The following NFX1 variants were observed in gnomAD, a reference collection of about 807,000 sequenced individuals.
NFX1 encodes the protein nuclear transcription factor, X-box binding 1.
NFX1 carries 69 observed loss-of-function variants against 137.2 expected under a neutral mutation model. The observed-to-expected ratio is 0.50, with a 90% CI of 0.41 to 0.61. The LOEUF (loss-of-function observed/expected upper bound fraction) is 0.61. Ranked by LOEUF, NFX1 falls within the 20% of genes least tolerant of loss-of-function variation. The pLI is 0.00. For synonymous variants in NFX1, 495 were observed against 474.1 expected, an observed-to-expected ratio of 1.04 and a Z score of -0.57; for missense variants, 1,167 against 1,391.0, an observed-to-expected ratio of 0.84 and a Z score of 2.56.
intron 13 of NFX1, 90 bp from the exon 14 acceptor site, chr9:33,343,979 G>A: frequency 6.5e-7 from 1 of 1,548,950 alleles, no homozygotes; most frequent in Non-Finnish European, 8.8e-7. Flanking sequence ...AAAAATACAA[G>A]CAAAAATGTG....
intron 22 of NFX1, 84 bp from the exon 23 acceptor site, chr9:33,367,431 A>G: frequency 7.0e-7 from 1 of 1,437,696 alleles, no homozygotes; most frequent in Admixed American, 1.7e-5. Context: ...ATAGTGCCAA[A>G]ATCAAGGGCT....
At chr9:33,336,376 C>T (rs145199965) in intron 11 of NFX1, among the ~76,000 whole-genome samples, 4,802 of 151,954 alleles carry the variant, frequency 0.032, 216 homozygotes, top group African/African-American at 0.11. Flanking sequence ...CCACCGCGCC[C>T]GGCTAATTTT....
intron 13 of NFX1, among the ~76,000 whole-genome samples, chr9:33,343,605 C>T (rs768542746): frequency 3.3e-5 from 5 of 152,194 alleles, no homozygotes; most frequent in African/African-American, 7.2e-5. Context: ...GGACTTGACT[C>T]GGTGTTTTTA....
In NFX1 at chr9:33,311,706, C is replaced by T. The variant is rs139033635; in HGVS notation, c.1448+529C>T. Among the ~76,000 whole-genome samples, 146 of 152,294 alleles carry T rather than the reference C, an allele frequency of 9.6e-4. 3 individuals are homozygous for T. In the East Asian group the frequency reaches 0.019, roughly 19 times the overall value. ...TAGCTGGGATTACAGGCGCCTGCCACCGCACCTGGCTAGTTTTTGTATTTT... is the reference window on the plus strand; with the variant it reads ...TAGCTGGGATTACAGGCGCCTGCCATCGCACCTGGCTAGTTTTTGTATTTT... On this transcript the variant is annotated intron_variant, in intron 6 of 23. Transcript: ENST00000379540.
At chr9:33,350,347 C>T (rs1315994985) in intron 15 of NFX1, among the ~76,000 whole-genome samples, 1 of 151,778 alleles carries the variant, frequency 6.6e-6, no homozygotes, top group Non-Finnish European at 1.5e-5. Context: ...AAAAATGGCC[C>T]TGCCATCAGT....
At chr9:33,325,615 G>T (rs1822555711) in intron 9 of NFX1, among the ~76,000 whole-genome samples, 1 of 152,168 alleles carries the variant, frequency 6.6e-6, no homozygotes, top group African/African-American at 2.4e-5. Flanking sequence ...AGTGAGCCGA[G>T]ATTGCGCCAC....
At chr9:33,324,916 G>A (rs1217132421) in intron 9 of NFX1, among the ~76,000 whole-genome samples, 3 of 145,042 alleles carry the variant, frequency 2.1e-5, no homozygotes, top group Non-Finnish European at 4.5e-5. Flanking sequence ...GCAACAGAGT[G>A]AGATTCCATC....
chr9:33,356,596 TTC>T (rs2118659729), intron 19 of NFX1, among the ~76,000 whole-genome samples: 1 of 152,344 alleles, frequency 6.6e-6, no homozygotes, highest in Admixed American at 6.5e-5. Flanking sequence ...AATGACAATA[TTC>T]TGTTATTATC....
intron 15 of NFX1, among the ~76,000 whole-genome samples, chr9:33,349,719 AT>A (rs1318557939): frequency 6.6e-6 from 1 of 152,062 alleles, no homozygotes; most frequent in African/African-American, 2.4e-5. Context: ...TTGTCTCTTA[AT>A]TTTTTAAAGG....
At chr9:33,354,965 T>C (rs1013353424) in intron 19 of NFX1, 73 bp downstream of exon 19, 62 of 1,439,114 alleles carry the variant, frequency 4.3e-5, no homozygotes, top group Non-Finnish European at 5.9e-5. Flanking sequence ...GGAGCAACCC[T>C]TCAAACGTCA....
chr9:33,344,642 CAG>C (rs1354440897), intron 14 of NFX1, among the ~76,000 whole-genome samples: 1 of 149,718 alleles, frequency 6.7e-6, no homozygotes, highest in African/African-American at 2.5e-5. Context: ...CAAGGAGGGG[CAG>C]ATCATGAGGT....
chr9:33,321,031 T>A (rs1255609249), intron 9 of NFX1, among the ~76,000 whole-genome samples: 1 of 152,204 alleles, frequency 6.6e-6, no homozygotes, highest in African/African-American at 2.4e-5. Flanking sequence ...CATGAAAATG[T>A]GTTTATGATA....
At chr9:33,306,852 C>T (rs1431534613) in intron 4 of NFX1, among the ~76,000 whole-genome samples, 5 of 152,228 alleles carry the variant, frequency 3.3e-5, no homozygotes, top group African/African-American at 4.8e-5. Context: ...AGCAGCAATT[C>T]GCATATCAGT....
chr9:33,304,177 G>T (rs896097847), intron 4 of NFX1, among the ~76,000 whole-genome samples: 1 of 152,142 alleles, frequency 6.6e-6, no homozygotes, highest in East Asian at 1.9e-4. Flanking sequence ...CAGGAGAATC[G>T]CTTGAACCTG....
At chr9:33,333,487 A>G (rs1822887073) in intron 11 of NFX1, among the ~76,000 whole-genome samples, 1 of 152,202 alleles carries the variant, frequency 6.6e-6, no homozygotes. Flanking sequence ...AGCTTCACAC[A>G]TTGGGTCTCT....
chr9:33,368,998 C>A (rs1352296967), intron 23 of NFX1, among the ~76,000 whole-genome samples: 2 of 152,202 alleles, frequency 1.3e-5, no homozygotes, highest in Non-Finnish European at 2.9e-5. Flanking sequence ...CTGCCAGAGT[C>A]GGGTCCAGTC....
At chr9:33,344,363 C>T (rs1267623525) in intron 14 of NFX1, among the ~76,000 whole-genome samples, 175 bp downstream of exon 14, 3 of 152,194 alleles carry the variant, frequency 2.0e-5, no homozygotes, top group Non-Finnish European at 4.4e-5. Context: ...CTTGGAATCA[C>T]AGTGCCCTCC....
intron 19 of NFX1, among the ~76,000 whole-genome samples, chr9:33,357,705 C>CTT (rs78778092): frequency 3.3e-4 from 44 of 132,080 alleles, no homozygotes; most frequent in African/African-American, 1.1e-3. Context: ...CTAAGATTTT[C>CTT]TTTTTTTTTT....
At chr9:33,364,287 T>C (rs1824103683) in intron 20 of NFX1, among the ~76,000 whole-genome samples, 179 bp downstream of exon 20, 1 of 152,194 alleles carries the variant, frequency 6.6e-6, no homozygotes, top group Admixed American at 6.5e-5. Flanking sequence ...CTCGAAACTG[T>C]CCCCTTAAAG....
Sources: allele counts gnomAD v4.1 joint callset (sites outside exome capture counted in the v4.1 genomes callset), GRCh38; gene constraint gnomAD v4.1.1; transcripts MANE v1.5; gene names NCBI Gene and HGNC (gene_info 2026-07-23, HGNC 2026-07-21).